The following MCCC1 variants were observed in gnomAD, a reference collection of about 807,000 sequenced individuals.
MCCC1 encodes methylcrotonyl-CoA carboxylase subunit 1.
A neutral mutation model predicts 83.8 loss-of-function variants in MCCC1; 64 were observed. The observed-to-expected ratio is 0.76, with a 90% confidence interval of 0.62 to 0.94. The LOEUF (loss-of-function observed/expected upper bound fraction) is 0.94, where lower values mean the gene tolerates loss of function less well. Among genes scored for constraint, MCCC1 ranks in the 40% least tolerant of loss-of-function variants. The probability of loss-of-function intolerance (pLI) is 0.00; values close to 1 mark genes in which losing one functional copy is unlikely to be tolerated. For synonymous variants in MCCC1, 322 were observed against 315.4 expected, an observed-to-expected ratio of 1.02 and a Z score of -0.22; for missense variants, 807 against 904.7, an observed-to-expected ratio of 0.89 and a Z score of 1.39.
At chr3:183,066,049 G>C (rs934393182) in intron 7 of MCCC1, among the ~76,000 whole-genome samples, 3 of 152,156 alleles carry the variant, frequency 2.0e-5, no homozygotes, top group African/African-American at 4.8e-5. Context: ...ATGTGAAATA[G>C]TGTTTAGCTT....
chr3:183,114,185 C>A (rs1392741546), intron 1 of MCCC1, among the ~76,000 whole-genome samples: 6 of 152,172 alleles, frequency 3.9e-5, no homozygotes, highest in Non-Finnish European at 7.3e-5. Context: ...GTGTCTATCA[C>A]CTTGTAATAG....
chr3:183,041,577 T>C lies in MCCC1; in HGVS notation c.1257A>G (p.Gly419=). 1 of 1,614,066 alleles carries C rather than the reference T, an allele frequency of 6.2e-7. No homozygotes were observed. Among genetic ancestry groups the C allele is most frequent in the Non-Finnish European group, 8.5e-7 (1 of 1,179,916 alleles). ...TTTCTTTCACTTTACCTTGCCGTACTCCAGTTTCAATCCTGGTGGAAGGGT... is the reference window on the plus strand; with the variant it reads ...TTTCTTTCACTTTACCTTGCCGTACCCCAGTTTCAATCCTGGTGGAAGGGT... The part of the protein sequence containing the change: ...RADPSTRIET[G]VRQGDEVSVH... Residue 419 remains glycine (G), a synonymous_variant, in exon 11 of 19, where the codon GGA becomes GGG. Transcript: ENST00000265594.
chr3:183,044,634 A>C (rs1194857229), intron 10 of MCCC1, among the ~76,000 whole-genome samples: 1 of 152,118 alleles, frequency 6.6e-6, no homozygotes, highest in Admixed American at 6.5e-5. Flanking sequence ...CCTGGCCCAG[A>C]ATGCTGTGGC....
rs998894605 is a variant in MCCC1 at position 183,097,197 on chromosome 3, G to A, written c.89+2155C>T. 3.3e-5 allele frequency among the ~76,000 whole-genome samples: 5 copies of A among 151,748 alleles called. No individual in the cohort carries two copies. In the East Asian group the frequency reaches 5.8e-4, roughly 18 times the overall value. On this transcript the variant is annotated intron_variant, in intron 1 of 18. Transcript: ENST00000265594. ...GGAGCTTGCAGTGAGCCGAGATTGC[G>A]CCACTGCAGTCCGCAGTCCGGCCTG... is the stretch of plus-strand genomic sequence containing the variant.
intron 4 of MCCC1, among the ~76,000 whole-genome samples, chr3:183,085,993 T>TC (rs1717866935): frequency 6.6e-6 from 1 of 152,134 alleles, no homozygotes; most frequent in East Asian, 1.9e-4. Context: ...AGAAAGTCCC[T>TC]CCCCCAGTCT....
At chr3:183,060,930 T>C (rs953126782) in intron 7 of MCCC1, among the ~76,000 whole-genome samples, 3 of 152,168 alleles carry the variant, frequency 2.0e-5, no homozygotes, top group African/African-American at 7.2e-5. Flanking sequence ...GCTGCGAGCA[T>C]CTATTAATAT....
In MCCC1 at chr3:183,057,413, T is replaced by C; in HGVS notation, c.771A>G (p.Glu257=). The C allele has an allele frequency of 6.2e-7, 1 of 1,604,706 alleles. No homozygotes were observed. The highest frequency in any genetic ancestry group is 8.5e-7 in the Non-Finnish European group (1 of 1,174,294). ...EKFVDTPRHV[E]VQVFGDHHGN... ...CATGGTGATCACCAAACACCTGGAC[T>C]TCTACATGCCTATATAAAAGCAAAC... Residue 257 remains glutamate, a synonymous_variant, in exon 8 of 19, where the codon GAA becomes GAG. Transcript: ENST00000265594.
chr3:183,022,055 A>G (rs1712198716), intron 16 of MCCC1, among the ~76,000 whole-genome samples: 2 of 152,140 alleles, frequency 1.3e-5, no homozygotes, highest in Admixed American at 6.6e-5. Flanking sequence ...CCAGGATTCC[A>G]GTTGTCAGGG....
chr3:183,114,301 C>T (rs1361617250), intron 1 of MCCC1, among the ~76,000 whole-genome samples: 1 of 151,986 alleles, frequency 6.6e-6, no homozygotes, highest in Non-Finnish European at 1.5e-5. Flanking sequence ...AGACCCCCCG[C>T]CCCCCTTCCT....
chr3:183,034,777 C>CTTTTTTTT (rs397963844), intron 13 of MCCC1, among the ~76,000 whole-genome samples: 1 of 143,894 alleles, frequency 6.9e-6, no homozygotes, highest in Non-Finnish European at 1.5e-5. Flanking sequence ...CCTTATAGGC[C>CTTTTTTTT]TTTTTTTTTT....
intron 3 of MCCC1, among the ~76,000 whole-genome samples, chr3:183,088,750 T>A (rs1382491496): frequency 1.3e-5 from 2 of 152,212 alleles, no homozygotes; most frequent in Admixed American, 1.3e-4. Context: ...TCATACTATA[T>A]AATTATCTTC....
intron 1 of MCCC1, among the ~76,000 whole-genome samples, chr3:183,111,176 G>A (rs895068434): frequency 4.6e-5 from 7 of 152,180 alleles, no homozygotes; most frequent in Admixed American, 6.5e-5. Flanking sequence ...ATGGTAAGTC[G>A]AGTACAAGTC....
intron 3 of MCCC1, among the ~76,000 whole-genome samples, chr3:183,089,812 T>C (rs1718183034): frequency 6.6e-6 from 1 of 152,112 alleles, no homozygotes; most frequent in South Asian, 2.1e-4. Context: ...TTATTAGCAA[T>C]GGTGTTGTAC....
chr3:183,087,699 T>G (rs1465174880), intron 3 of MCCC1, among the ~76,000 whole-genome samples: 1 of 151,704 alleles, frequency 6.6e-6, no homozygotes, highest in Admixed American at 6.6e-5. Flanking sequence ...AAACCCCATT[T>G]CTACTAAAAA....
intron 4 of MCCC1, among the ~76,000 whole-genome samples, chr3:183,085,227 C>T (rs1267481326): frequency 6.6e-6 from 1 of 152,072 alleles, no homozygotes; most frequent in Non-Finnish European, 1.5e-5. Flanking sequence ...GTTGTCCCTA[C>T]CTTTGCCCCC....
chr3:183,113,598 G>A (rs1335278882), intron 1 of MCCC1, among the ~76,000 whole-genome samples: 1 of 151,390 alleles, frequency 6.6e-6, no homozygotes, highest in Admixed American at 6.6e-5. Flanking sequence ...TAAAAAAAAG[G>A]AAGCTGAGGT....
chr3:183,062,984 T>C (rs1266355236), intron 7 of MCCC1, among the ~76,000 whole-genome samples: 3 of 152,060 alleles, frequency 2.0e-5, no homozygotes, highest in Non-Finnish European at 4.4e-5. Context: ...TCCATTTTCC[T>C]ATTTACATTT....
intron 13 of MCCC1, among the ~76,000 whole-genome samples, chr3:183,036,962 C>T (rs566294827): frequency 1.3e-3 from 196 of 152,154 alleles, no homozygotes; most frequent in Middle Eastern, 6.8e-3. Context: ...CGTGAGCCAC[C>T]GCGCCTGGCC....
In MCCC1 at chr3:183,015,509, C is replaced by T. The variant is rs775313667; in HGVS notation, c.2107G>A (p.Ala703Thr). 1.2e-6 allele frequency: 2 copies of T among 1,613,972 alleles called. No individual in the cohort carries two copies. Among genetic ancestry groups the T allele is most frequent in the Admixed American group, 1.7e-5 (1 of 60,002 alleles). ...AAAGGAGTGTGTCTGTTGGCCTGAG[C>T]ACCTTCTCTGTAGAACACTTTCTTT... ...TVKKVFYREGAQANRHTPLVE... is the reference protein window; with the variant it reads ...TVKKVFYREGTQANRHTPLVE... Residue 703 changes from alanine to threonine, a missense_variant, in exon 19 of 19, where the codon GCT becomes ACT. By Grantham distance (58) the Ala-to-Thr change is moderately conservative. Coordinates refer to ENST00000265594, the MANE Select transcript of MCCC1 (RefSeq NM_020166.5).
Sources: allele counts gnomAD v4.1 joint callset (sites outside exome capture counted in the v4.1 genomes callset), GRCh38; gene constraint gnomAD v4.1.1; transcripts MANE v1.5; gene names NCBI Gene and HGNC (gene_info 2026-07-23, HGNC 2026-07-21).